SF3A3: variants seen among roughly 807,000 people sequenced by gnomAD.
SF3A3 encodes SAP 61.
Under a neutral mutation model 85.8 loss-of-function variants are expected in SF3A3, and 9 were observed. The observed-to-expected ratio is 0.10, with a 90% CI of 0.06 to 0.18. The LOEUF is 0.18. SF3A3 is among the 10% of genes least tolerant of loss of function. The pLI, the probability that SF3A3 is intolerant of heterozygous loss-of-function variation, is 1.00. For synonymous variants in SF3A3, 195 were observed against 204.4 expected (o/e 0.95, Z 0.39); for missense variants, 306 against 593.3 (o/e 0.52, Z 5.03).
At chr1:37,986,189 C>T (rs1442632261) in intron 4 of SF3A3, among the ~76,000 whole-genome samples, 3 of 152,044 alleles carry the variant, frequency 2.0e-5, no homozygotes, top group Admixed American at 6.5e-5. Context: ...CTCAGATGAT[C>T]GACCCGCCTC....
At position 37,987,554 on chromosome 1, in the gene SF3A3, T is replaced by C. The variant is rs1348032803; in HGVS notation, c.303+19A>G. ...GCTTTAAGGATAGGTCTGGAGAAAA[T>C]ACTTTTCTGAGGACATACCTCATTT... is the stretch of plus-strand genomic sequence containing the variant. On this transcript the variant is annotated intron_variant, in intron 4 of 16. Transcript: ENST00000373019. 1.7e-5 allele frequency: 26 copies of C among 1,545,830 alleles called. No individual in the cohort carries two copies. The highest frequency in any genetic ancestry group is 1.3e-5 in the Non-Finnish European group (15 of 1,117,948).
At chr1:37,961,663 C>G (rs983984160) in intron 15 of SF3A3, among the ~76,000 whole-genome samples, 2 of 136,536 alleles carry the variant, frequency 1.5e-5, no homozygotes, top group African/African-American at 5.4e-5. Flanking sequence ...AAGTTATGTG[C>G]TTACTATGTG....
intron 5 of SF3A3, 33 bp downstream of exon 5, chr1:37,984,674 C>T: frequency 2.2e-6 from 3 of 1,389,986 alleles, no homozygotes; most frequent in Non-Finnish European, 3.1e-6. Context: ...TGTATTTTTG[C>T]TGGTGCTGAA....
chr1:37,981,942 G>GC lies in SF3A3; in HGVS notation c.469-132_469-131insG, dbSNP rs533686369. 3 of 496,172 alleles carry GC rather than the reference G, an allele frequency of 6.0e-6. No homozygotes were observed. In the African/African-American group the frequency reaches 6.1e-5, roughly 10 times the overall value. 30.7% of individuals were successfully genotyped at this position (496,172 alleles called of 1,614,324 possible). A position where few individuals can be genotyped will look rare whatever the true frequency, so the allele number is the denominator to read the frequency against. On this transcript the variant is annotated intron_variant, in intron 6 of 16. Coordinates refer to ENST00000373019, the MANE Select transcript of SF3A3 (RefSeq NM_006802.4). ...GAAGTAACAAGGGCTGGCTAATTTTGGTTTTTTTTGCTTGCCTATCATTCA... is the reference window on the plus strand; with the variant it reads ...GAAGTAACAAGGGCTGGCTAATTTTGCGTTTTTTTTGCTTGCCTATCATTCA...
At chr1:37,964,204 C>T (rs1220228491) in intron 15 of SF3A3, among the ~76,000 whole-genome samples, 1 of 151,682 alleles carries the variant, frequency 6.6e-6, no homozygotes, top group African/African-American at 2.4e-5. Context: ...CAAAAACAAA[C>T]TCTGTATGGC....
At chr1:37,967,957 C>G in intron 15 of SF3A3, 87 bp downstream of exon 15, 1 of 782,420 alleles carries the variant, frequency 1.3e-6, no homozygotes. Flanking sequence ...TGCCTTTAAC[C>G]CTGGATACAC....
intron 6 of SF3A3, 131 bp from the exon 7 acceptor site, chr1:37,981,942 G>GTT: frequency 6.0e-6 from 3 of 499,732 alleles, no homozygotes; most frequent in African/African-American, 2.0e-5. Flanking sequence ...GGCTAATTTT[G>GTT]GTTTTTTTTG....
intron 6 of SF3A3, among the ~76,000 whole-genome samples, chr1:37,983,024 C>T (rs1015163223): frequency 5.9e-5 from 9 of 151,984 alleles, no homozygotes; most frequent in Admixed American, 2.0e-4. Context: ...CCGCGACCTC[C>T]GCCTCCTGGG....
rs369121020 is a variant in SF3A3, at chr1:37,959,080, CT to C, written c.1429-818del. ...CCACTTGCCATTTCAACTTTTTTTT[CT>C]TTTTTTTTTTTTTGTGAGGTAAGTT... On this transcript the variant is annotated intron_variant, in intron 16 of 16. Transcript: ENST00000373019. Among the ~76,000 whole-genome samples, 151 of 143,212 alleles carry C rather than the reference CT, an allele frequency of 1.1e-3. 3 individuals are homozygous for C. The highest frequency in any genetic ancestry group is 3.7e-3 in the Middle Eastern group (1 of 272). 94.0% of individuals were successfully genotyped at this position (143,212 alleles called of 152,430 possible). A position where few individuals can be genotyped will look rare whatever the true frequency, so the allele number is the denominator to read the frequency against.
At chr1:37,958,765 C>G (rs1027041130) in intron 16 of SF3A3, among the ~76,000 whole-genome samples, 4 of 151,942 alleles carry the variant, frequency 2.6e-5, no homozygotes, top group Non-Finnish European at 5.9e-5. Context: ...AGTTTTGCTG[C>G]CAAAAAGAAA....
At chr1:37,980,023 C>T (rs1646406180) in intron 8 of SF3A3, among the ~76,000 whole-genome samples, 1 of 152,162 alleles carries the variant, frequency 6.6e-6, no homozygotes, top group Non-Finnish European at 1.5e-5. Context: ...ATCTGATAAG[C>T]TCTTGGTTGG....
chr1:37,957,982 C>A lies in SF3A3; in HGVS notation c.*204G>T. The A allele has an allele frequency of 1.8e-6, 1 of 551,612 alleles. No individual in the cohort carries two copies. Among genetic ancestry groups the A allele is most frequent in the Non-Finnish European group, 3.2e-6 (1 of 309,644 alleles). 34.2% of individuals were successfully genotyped at this position (551,612 alleles called of 1,614,324 possible). On this transcript the variant is annotated 3_prime_UTR_variant, in exon 17 of 17. Transcript: ENST00000373019. ...TTAGAACAAGGTCTGGTTTTATTTTCTGGCAGAATCTTTTAAAATATAAAA... is the reference window on the plus strand; with the variant it reads ...TTAGAACAAGGTCTGGTTTTATTTTATGGCAGAATCTTTTAAAATATAAAA...
chr1:37,963,703 C>T (rs1646278171), intron 15 of SF3A3, among the ~76,000 whole-genome samples: 1 of 150,176 alleles, frequency 6.7e-6, no homozygotes, highest in South Asian at 2.1e-4. Context: ...ACTACAGGCG[C>T]CCGCCACAAC....
intron 15 of SF3A3, among the ~76,000 whole-genome samples, chr1:37,966,923 G>A (rs1570456979): frequency 8.3e-5 from 4 of 48,176 alleles, no homozygotes; most frequent in South Asian, 1.7e-3. Flanking sequence ...CAATATGAGC[G>A]AAACTCCATC....
At position 37,964,595 on chromosome 1, in the gene SF3A3, A is replaced by G. The variant is rs1361185403; in HGVS notation, c.1372+3449T>C. 3.3e-5 allele frequency among the ~76,000 whole-genome samples: 5 copies of G among 152,310 alleles called. No individual in the cohort carries two copies. The East Asian group carries it at 9.7e-4, about 30-fold the overall frequency. The stretch of plus-strand genomic sequence containing the variant: ...TGCACTCCAGCCTGGTTGACAGAGC[A>G]AGACTCTGTCTTAAAAATTAAAAAA... On this transcript the variant is annotated intron_variant, in intron 15 of 16. Transcript: ENST00000373019.
chr1:37,989,529 C>A lies in SF3A3; in HGVS notation c.144+19G>T. ...CCGCCCTCGCCAACCCAAAGAGAGGCAGACAGCTGGGCACTCACATCTTGC... is the reference window on the plus strand; with the variant it reads ...CCGCCCTCGCCAACCCAAAGAGAGGAAGACAGCTGGGCACTCACATCTTGC... On this transcript the variant is annotated intron_variant, in intron 2 of 16. Coordinates refer to ENST00000373019, the MANE Select transcript of SF3A3 (RefSeq NM_006802.4). The A allele has an allele frequency of 1.2e-6, 2 of 1,611,794 alleles. No individual in the cohort carries two copies. Among genetic ancestry groups the A allele is most frequent in the South Asian group, 2.2e-5 (2 of 90,846 alleles).
chr1:37,964,423 G>A (rs1442000554), intron 15 of SF3A3, among the ~76,000 whole-genome samples: 1 of 151,908 alleles, frequency 6.6e-6, no homozygotes, highest in African/African-American at 2.4e-5. Context: ...TGGCCAACAT[G>A]CTAAAACCCT....
chr1:37,961,655 G>A (rs1487093178), intron 15 of SF3A3, among the ~76,000 whole-genome samples: 3 of 139,194 alleles, frequency 2.2e-5, no homozygotes, highest in Non-Finnish European at 4.6e-5. Flanking sequence ...GAATGGAGAA[G>A]TTATGTGCTT....
intron 11 of SF3A3, among the ~76,000 whole-genome samples, chr1:37,977,706 G>A (rs1035186280): frequency 8.6e-5 from 13 of 152,024 alleles, no homozygotes; most frequent in Non-Finnish European, 1.6e-4. Flanking sequence ...AGGCATGGTG[G>A]CGCACTCTGG....
Sources: gnomAD v4.1 joint callset for allele counts (sites outside exome capture counted in the v4.1 genomes callset) on GRCh38, gnomAD v4.1.1 for gene constraint, MANE v1.5 for transcripts, NCBI Gene and HGNC (gene_info 2026-07-23, HGNC 2026-07-21) for gene names.